The following APOBEC3F variants were observed in gnomAD, a reference collection of about 807,000 sequenced individuals.
APOBEC3F encodes the protein DNA dC->dU-editing enzyme APOBEC-3F.
APOBEC3F carries 34 observed loss-of-function variants against 45.8 expected under a neutral mutation model. That is an observed-to-expected ratio of 0.74 (90% confidence interval 0.57 to 0.99). The LOEUF is 0.99. Among genes scored for constraint, APOBEC3F ranks in the 50% least tolerant of loss-of-function variants. The pLI, the probability that APOBEC3F is intolerant of heterozygous loss-of-function variation, is 0.00. For synonymous variants in APOBEC3F, 192 were observed against 174.4 expected, an observed-to-expected ratio of 1.10 and a Z score of -0.80; for missense variants, 459 against 474.1, an observed-to-expected ratio of 0.97 and a Z score of 0.30.
rs1569072471 is a variant in APOBEC3F, at chr22:39,049,596, C to T, written c.723+15C>T. The T allele has an allele frequency of 1.2e-6, 2 of 1,613,446 alleles. No individual in the cohort carries two copies. The highest frequency in any genetic ancestry group is 1.1e-5 in the South Asian group (1 of 91,030). ...TCCGAAACCAGGTAGCACCAAAGTC[C>T]TATTTACACCCCAAATAGGAGCTAA... On this transcript the variant is annotated intron_variant, in intron 5 of 6. Coordinates refer to ENST00000308521, the MANE Select transcript of APOBEC3F (RefSeq NM_145298.6).
intron 4 of APOBEC3F, among the ~76,000 whole-genome samples, chr22:39,047,704 G>C (rs1927290701): frequency 6.6e-6 from 1 of 152,002 alleles, no homozygotes; most frequent in Non-Finnish European, 1.5e-5. Context: ...TTCTGAATGG[G>C]CCATCTCCCC....
intron 3 of APOBEC3F, 70 bp from the exon 4 acceptor site, chr22:39,045,355 CAGG>C: frequency 1.2e-6 from 2 of 1,609,606 alleles, no homozygotes; most frequent in African/African-American, 1.3e-5. Flanking sequence ...AACTGACAGC[CAGG>C]AGACCAGGCC....
rs199884564 is a variant in APOBEC3F at position 39,045,137 on chromosome 22, A to C, written c.368A>C (p.Tyr123Ser). 114 of 1,614,074 alleles carry C rather than the reference A, an allele frequency of 7.1e-5. 1 individual carries two copies. In the South Asian group the frequency reaches 1.2e-3, roughly 17 times the overall value. The change falls in exon 3 of 7, where the codon TAC (tyrosine) becomes TCC (serine). Residue 123 changes from tyrosine to serine, a missense_variant. Tyr to Ser is a moderately radical substitution (Grantham distance 144, BLOSUM62 -2). Transcript: ENST00000308521. ...CTGACCATCTCCGCCGCCCGCCTCT[A>C]CTACTACTGGGAAAGAGATTACCGA... is the stretch of plus-strand genomic sequence containing the variant. ...VTLTISAARL[Y>S]YYWERDYRRA...
chr22:39,049,199 T>C (rs922233709), intron 4 of APOBEC3F, among the ~76,000 whole-genome samples: 5 of 152,022 alleles, frequency 3.3e-5, no homozygotes, highest in Non-Finnish European at 5.9e-5. Flanking sequence ...AACTGGGAGG[T>C]TGAGGGTGTC....
rs113109079 is a variant in APOBEC3F at position 39,052,085 on chromosome 22, G to A, written c.735G>A (p.Glu245=). The A allele has an allele frequency of 4.8e-4, 775 of 1,611,934 alleles. 3 individuals are homozygous for A. The African/African-American group carries it at 8.5e-3, about 18-fold the overall frequency. The change falls in exon 6 of 7, where the codon GAG becomes GAA. Residue 245 remains glutamate, a synonymous_variant. Coordinates refer to ENST00000308521, the MANE Select transcript of APOBEC3F (RefSeq NM_145298.6). ...RGVFRNQVDP[E]THCHAERCFL... Reference sequence around the variant, plus strand: ...TCCTCCTTCCCCAGGTGGATCCTGAGACCCATTGTCATGCAGAAAGGTGCT... The same window carrying A: ...TCCTCCTTCCCCAGGTGGATCCTGAAACCCATTGTCATGCAGAAAGGTGCT...
chr22:39,041,720 G>T (rs140247279), intron 1 of APOBEC3F, among the ~76,000 whole-genome samples: 1 of 151,928 alleles, frequency 6.6e-6, no homozygotes. Context: ...AAAATTAGCC[G>T]GGTGTGGTGG....
rs1927623108 is a variant in APOBEC3F at position 39,054,254 on chromosome 22, T to A, written c.*1559T>A. Reference sequence around the variant, plus strand: ...CTTATTTTTATTTTATTTTTTGAGATGGAGTCTTGCTCTGTTGCCCAGGCT... The same window carrying A: ...CTTATTTTTATTTTATTTTTTGAGAAGGAGTCTTGCTCTGTTGCCCAGGCT... On this transcript the variant is annotated 3_prime_UTR_variant, in exon 7 of 7. Transcript: ENST00000308521. Among the ~76,000 whole-genome samples the A allele has an allele frequency of 6.6e-6, 1 of 152,016 alleles. No individual in the cohort carries two copies. The highest frequency in any genetic ancestry group is 2.4e-5 in the African/African-American group (1 of 41,382).
chr22:39,042,442 G>T (rs1166640945), intron 1 of APOBEC3F, among the ~76,000 whole-genome samples: 27 of 151,862 alleles, frequency 1.8e-4, no homozygotes, highest in Non-Finnish European at 4.4e-5. Context: ...CTCCACAGTG[G>T]CTGGGATTAC....
rs1287339040 is a variant in APOBEC3F at position 39,045,156 on chromosome 22, T to C, written c.387T>C (p.Asp129=). The C allele has an allele frequency of 2.5e-6, 4 of 1,614,040 alleles. No individual in the cohort carries two copies. The highest frequency in any genetic ancestry group is 2.2e-5 in the East Asian group (1 of 44,866). The part of the protein sequence containing the change: ...AARLYYYWER[D]YRRALCRLSQ... ...GCCTCTACTACTACTGGGAAAGAGA[T>C]TACCGAAGGGCGCTCTGCAGGCTGA... is the stretch of plus-strand genomic sequence containing the variant. Residue 129 remains aspartate, a synonymous_variant, in exon 3 of 7, where the codon GAT becomes GAC. Transcript: ENST00000308521.
In APOBEC3F at chr22:39,055,844, G is replaced by A. The variant is rs1418317102; in HGVS notation, c.*3149G>A. 7.2e-5 allele frequency among the ~76,000 whole-genome samples: 11 copies of A among 151,916 alleles called. No homozygotes were observed. The East Asian group carries it at 1.9e-3, about 27-fold the overall frequency. The stretch of plus-strand genomic sequence containing the variant: ...AGCCCACGCTTGCACAATCTATCAC[G>A]ACCCTTTCACGTGGACCCCTTAGAA... On this transcript the variant is annotated 3_prime_UTR_variant, in exon 7 of 7. Transcript: ENST00000308521.
intron 5 of APOBEC3F, among the ~76,000 whole-genome samples, 180 bp downstream of exon 5, chr22:39,049,761 G>A (rs1300978385): frequency 6.7e-6 from 1 of 148,460 alleles, no homozygotes; most frequent in East Asian, 2.0e-4. Flanking sequence ...GTGCAATGGC[G>A]TGATCTCTGC....
At chr22:39,044,156 G>T (rs770932503) in intron 2 of APOBEC3F, 10 of 1,593,856 alleles carry the variant, frequency 6.3e-6, no homozygotes, top group Non-Finnish European at 7.7e-6. Context: ...CCACCACATG[G>T]GACAGCGCAG....
Position 39,052,065 on chromosome 22 carries a change from C to T in APOBEC3F, c.724-9C>T, listed in dbSNP as rs758964904. Reference sequence around the variant, plus strand: ...GAGCTCCCCTGCCCTCCTCCTCCTCCTTCCCCAGGTGGATCCTGAGACCCA... The same window carrying T: ...GAGCTCCCCTGCCCTCCTCCTCCTCTTTCCCCAGGTGGATCCTGAGACCCA... On this transcript the variant is annotated splice_polypyrimidine_tract_variant and intron_variant, in intron 5 of 6. Coordinates refer to ENST00000308521, the MANE Select transcript of APOBEC3F (RefSeq NM_145298.6). 7 of 1,610,890 alleles carry T rather than the reference C, an allele frequency of 4.3e-6. No individual in the cohort carries two copies. The East Asian group carries it at 1.1e-4, about 26-fold the overall frequency.
rs1399683719 is a variant in APOBEC3F, at chr22:39,040,901, G to A, written c.-60G>A. 2.6e-6 allele frequency: 4 copies of A among 1,553,940 alleles called. No homozygotes were observed. Among genetic ancestry groups the A allele is most frequent in the Non-Finnish European group, 3.5e-6 (4 of 1,148,080 alleles). ...GCTGTCCTGAAACCTGGAGCCTGGA[G>A]CAGAAAGTGAAACCCTGGTGCTCCA... On this transcript the variant is annotated 5_prime_UTR_variant, in exon 1 of 7. Transcript: ENST00000308521.
chr22:39,045,387 G>T (rs1927162315), intron 3 of APOBEC3F, 41 bp from the exon 4 acceptor site: 2 of 1,613,888 alleles, frequency 1.2e-6, no homozygotes, highest in Admixed American at 3.3e-5. Context: ...CGGGCCCAGG[G>T]TCAGGGCAGA....
At chr22:39,043,246 C>T (rs1480250198) in intron 2 of APOBEC3F, among the ~76,000 whole-genome samples, 156 bp downstream of exon 2, 14 of 151,884 alleles carry the variant, frequency 9.2e-5, no homozygotes, top group African/African-American at 1.5e-4. Flanking sequence ...CCTGCTGGAC[C>T]GTCCTGGGAT....
At chr22:39,044,473 G>A (rs1927099689) in intron 2 of APOBEC3F, 5 of 1,075,098 alleles carry the variant, frequency 4.7e-6, no homozygotes, top group Non-Finnish European at 6.2e-6. Context: ...ACTTTCCAGG[G>A]CCTGCGAGCT....
At chr22:39,048,509 C>G (rs1164663737) in intron 4 of APOBEC3F, among the ~76,000 whole-genome samples, 1 of 152,050 alleles carries the variant, frequency 6.6e-6, no homozygotes, top group Non-Finnish European at 1.5e-5. Flanking sequence ...CCAGTCTCTA[C>G]TAAAAATACA....
intron 1 of APOBEC3F, among the ~76,000 whole-genome samples, chr22:39,042,708 C>G (rs1340934489): frequency 6.6e-6 from 1 of 152,148 alleles, no homozygotes; most frequent in Non-Finnish European, 1.5e-5. Context: ...ACGACCAGAG[C>G]TGGACCCTGA....
Sources: allele counts gnomAD v4.1 joint callset (sites outside exome capture counted in the v4.1 genomes callset), GRCh38; gene constraint gnomAD v4.1.1; transcripts MANE v1.5; gene names NCBI Gene and HGNC (gene_info 2026-07-23, HGNC 2026-07-21).